The following RSPO4 variants were observed in gnomAD, a reference collection of about 807,000 sequenced individuals.
RSPO4 encodes the protein R-spondin-4.
A neutral mutation model predicts 24.8 loss-of-function variants in RSPO4; 23 were observed. That is an observed-to-expected ratio of 0.93 (90% CI 0.67 to 1.31). The LOEUF is 1.31. Among genes scored for constraint, RSPO4 ranks in the 40% most tolerant of loss-of-function variants. RSPO4 has a pLI of 0.00. For missense variants in RSPO4, 333 were observed against 316.5 expected, an observed-to-expected ratio of 1.05 and a Z score of -0.39; for synonymous variants, 141 against 127.4, an observed-to-expected ratio of 1.11 and a Z score of -0.72.
intron 4 of RSPO4, among the ~76,000 whole-genome samples, chr20:961,016 C>A (rs945399032): frequency 3.9e-5 from 6 of 152,232 alleles, no homozygotes; most frequent in Non-Finnish European, 8.8e-5. Context: ...CTGAGCCACA[C>A]CCAGTCCCGT....
intron 4 of RSPO4, among the ~76,000 whole-genome samples, chr20:962,765 C>T (rs1049748468): frequency 6.6e-6 from 1 of 152,166 alleles, no homozygotes; most frequent in Non-Finnish European, 1.5e-5. Context: ...GGCCTGGTTC[C>T]AGGTCCCTCA....
chr20:985,349 C>T (rs1477939589), intron 1 of RSPO4, among the ~76,000 whole-genome samples: 1 of 152,242 alleles, frequency 6.6e-6, no homozygotes, highest in Admixed American at 6.5e-5. Context: ...TCTATCCGTC[C>T]ATCCATCCAT....
intron 1 of RSPO4, among the ~76,000 whole-genome samples, chr20:986,182 C>T (rs1984915251): frequency 6.6e-6 from 1 of 152,140 alleles, no homozygotes; most frequent in Non-Finnish European, 1.5e-5. Context: ...AGTAATCACA[C>T]CTGTGTACCA....
At chr20:983,694 A>C (rs1296087023) in intron 1 of RSPO4, among the ~76,000 whole-genome samples, 1 of 152,194 alleles carries the variant, frequency 6.6e-6, no homozygotes, top group African/African-American at 2.4e-5. Flanking sequence ...ATGTTGTGAC[A>C]GTGTGGTAAG....
chr20:1,002,014 GC>G lies in RSPO4; in HGVS notation c.79+71del. On this transcript the variant is annotated intron_variant, in intron 1 of 4. Transcript: ENST00000217260. This position sits in a 1 kb window ranked among gnomAD's most constrained non-coding sequence, Gnocchi z 4.6. ...CCAGGCAGATGCCCCCAGAGCCGCCGCCCCCGGTCCTCCGGCCCCCGGTCTG... is the reference window on the plus strand; with the variant it reads ...CCAGGCAGATGCCCCCAGAGCCGCCGCCCCGGTCCTCCGGCCCCCGGTCTG... 5.2e-6 allele frequency: 7 copies of G among 1,352,668 alleles called. No homozygotes were observed. The highest frequency in any genetic ancestry group is 4.1e-6 in the Non-Finnish European group (4 of 976,586). The allele number at this position is 1,352,668 out of a possible 1,614,324, so 83.8% of individuals were successfully genotyped here.
chr20:1,001,802 G>A (rs1453366698), intron 1 of RSPO4, among the ~76,000 whole-genome samples: 1 of 152,118 alleles, frequency 6.6e-6, no homozygotes, highest in Non-Finnish European at 1.5e-5. Context: ...TCTGCACGAA[G>A]CCATCCTCCT....
Position 981,470 on chromosome 20 carries a change from G to A in RSPO4, c.80-13332C>T, listed in dbSNP as rs1984732822. On this transcript the variant is annotated intron_variant, in intron 1 of 4. Transcript: ENST00000217260. This position sits in a 1 kb window ranked among gnomAD's most constrained non-coding sequence, Gnocchi z 4.6. ...AATCCAGGATGCGGAGGTTGCATGA[G>A]CCAAGATTGCACCACTGCACTCCAG... Among the ~76,000 whole-genome samples, 1 of 152,198 alleles carries A rather than the reference G, an allele frequency of 6.6e-6. No individual in the cohort carries two copies. The highest frequency in any genetic ancestry group is 2.4e-5 in the African/African-American group (1 of 41,448).
At chr20:995,589 T>TTCAGGGCGA (rs1305321050) in intron 1 of RSPO4, among the ~76,000 whole-genome samples, 2 of 152,168 alleles carry the variant, frequency 1.3e-5, no homozygotes, top group Non-Finnish European at 2.9e-5. Flanking sequence ...AGCTGTCAGA[T>TTCAGGGCGA]TCAGGGCGAT....
At chr20:986,504 G>A (rs1489454816) in intron 1 of RSPO4, among the ~76,000 whole-genome samples, 1 of 152,110 alleles carries the variant, frequency 6.6e-6, no homozygotes, top group Non-Finnish European at 1.5e-5. Context: ...GGGAAGCAGT[G>A]ATGGGAAAGG....
At chr20:991,685 T>A (rs1351944089) in intron 1 of RSPO4, among the ~76,000 whole-genome samples, 1 of 151,716 alleles carries the variant, frequency 6.6e-6, no homozygotes, top group Non-Finnish European at 1.5e-5. Context: ...AAATAAGGTA[T>A]AAAAATAAAG....
At position 970,667 on chromosome 20, in the gene RSPO4, T is replaced by A. The variant is rs958537113; in HGVS notation, c.80-2529A>T. Among the ~76,000 whole-genome samples the A allele has an allele frequency of 6.6e-6, 1 of 151,736 alleles. No homozygotes were observed. Among genetic ancestry groups the A allele is most frequent in the African/African-American group, 2.4e-5 (1 of 41,238 alleles). On this transcript the variant is annotated intron_variant, in intron 1 of 4. Coordinates refer to ENST00000217260, the MANE Select transcript of RSPO4 (RefSeq NM_001029871.4). The surrounding 1 kb of genome is among the most constrained non-coding windows in gnomAD (Gnocchi z 4.1). ...AACATCCACTGAGAATTTAGCAGAG[T>A]CCGGACTTCTCACTCAGCAAAAGAT...
At chr20:963,544 C>A (rs1024386017) in intron 4 of RSPO4, among the ~76,000 whole-genome samples, 4 of 152,104 alleles carry the variant, frequency 2.6e-5, no homozygotes, top group Non-Finnish European at 5.9e-5. Flanking sequence ...CAAGAAATTT[C>A]TTTTCTTTCT....
intron 1 of RSPO4, among the ~76,000 whole-genome samples, chr20:974,905 AG>A (rs1434385376): frequency 6.6e-6 from 1 of 152,194 alleles, no homozygotes; most frequent in Non-Finnish European, 1.5e-5. Flanking sequence ...ACTTGCAACC[AG>A]ATGATTCCCG....
At chr20:994,733 T>A (rs1313465636) in intron 1 of RSPO4, among the ~76,000 whole-genome samples, 1 of 152,124 alleles carries the variant, frequency 6.6e-6, no homozygotes, top group Non-Finnish European at 1.5e-5. Context: ...CCAGCTAATT[T>A]TTGTATTTTT....
At chr20:963,420 C>T (rs187670356) in intron 4 of RSPO4, among the ~76,000 whole-genome samples, 4 of 152,248 alleles carry the variant, frequency 2.6e-5, no homozygotes, top group African/African-American at 4.8e-5. Context: ...GTTGGGAAAT[C>T]GCATCTCTGA....
intron 1 of RSPO4, among the ~76,000 whole-genome samples, chr20:998,403 A>G (rs1985361247): frequency 6.6e-6 from 1 of 152,252 alleles, no homozygotes; most frequent in South Asian, 2.1e-4. Flanking sequence ...TGATTCATTT[A>G]CACTTCATTA....
At chr20:976,017 C>T (rs1984550938) in intron 1 of RSPO4, among the ~76,000 whole-genome samples, 2 of 152,112 alleles carry the variant, frequency 1.3e-5, no homozygotes, top group African/African-American at 4.8e-5. Context: ...AGACGTGTAA[C>T]AATGCAGGTT....
chr20:979,867 C>G (rs1227636689), intron 1 of RSPO4, among the ~76,000 whole-genome samples: 2 of 152,088 alleles, frequency 1.3e-5, no homozygotes, highest in Non-Finnish European at 2.9e-5. Context: ...CACCCTATTC[C>G]TCTCCCACGT....
Position 968,157 on chromosome 20 carries a change from C to G in RSPO4, c.80-19G>C. 6.2e-7 allele frequency: 1 copy of G among 1,611,720 alleles called. No individual in the cohort carries two copies. Among genetic ancestry groups the G allele is most frequent in the Non-Finnish European group, 8.5e-7 (1 of 1,178,274 alleles). On this transcript the variant is annotated intron_variant, in intron 1 of 4. Coordinates refer to ENST00000217260, the MANE Select transcript of RSPO4 (RefSeq NM_001029871.4). ...GTGCCCACTGCCCACAAGACCAGGG[C>G]AGAAGGAGGGGGAAAGGGAGAGAGA...
Sources: gnomAD v4.1 joint callset for allele counts (sites outside exome capture counted in the v4.1 genomes callset) on GRCh38, gnomAD v4.1.1 for gene constraint, Gnocchi (gnomAD v3.1) non-coding constraint, MANE v1.5 for transcripts, NCBI Gene and HGNC (gene_info 2026-07-23, HGNC 2026-07-21) for gene names.